UBA6: variants seen among roughly 807,000 people sequenced by gnomAD.
UBA6 encodes ubiquitin like modifier activating enzyme 6.
UBA6 carries 87 observed loss-of-function variants against 148.3 expected under a neutral mutation model. That is an observed-to-expected ratio of 0.59 (90% confidence interval 0.49 to 0.70). The LOEUF (loss-of-function observed/expected upper bound fraction) is 0.70. UBA6 is among the 30% of genes least tolerant of loss of function. UBA6 has a pLI of 0.00. For synonymous variants in UBA6, 376 were observed against 401.0 expected (o/e 0.94, Z 0.75); for missense variants, 1,186 against 1,241.2 (o/e 0.96, Z 0.67).
chr4:67,639,798 T>C (rs1481419889), intron 18 of UBA6, among the ~76,000 whole-genome samples: 1 of 152,064 alleles, frequency 6.6e-6, no homozygotes, highest in African/African-American at 2.4e-5. Context: ...AACAATACAA[T>C]CATAACAATA....
chr4:67,622,381 C>A lies in UBA6; in HGVS notation c.3023+450G>T, dbSNP rs1011953447. On this transcript the variant is annotated intron_variant, in intron 32 of 32. Transcript: ENST00000322244. ...AATTTCTCCATAATACTTACTATCA[C>A]CTAACATACTTGCCTTATTGTTATG... Among the ~76,000 whole-genome samples, 48 of 152,154 alleles carry A rather than the reference C, an allele frequency of 3.2e-4. 1 individual carries two copies. The highest frequency in any genetic ancestry group is 1.1e-3 in the African/African-American group (47 of 41,440).
Position 67,630,371 on chromosome 4 carries a change from A to G in UBA6, c.2328+95T>C, listed in dbSNP as rs539653424. On this transcript the variant is annotated intron_variant, in intron 26 of 32. Transcript: ENST00000322244. ...TTCTGTATCAAAAAGAGTGATTCTT[A>G]TAACAAACAAACATGTTTTGATGCA... 17 of 825,464 alleles carry G rather than the reference A, an allele frequency of 2.1e-5. No individual in the cohort carries two copies. The Admixed American group carries it at 4.2e-4, about 20-fold the overall frequency. The allele number at this position is 825,464 out of a possible 1,614,324, so 51.1% of individuals were successfully genotyped here.
Position 67,634,413 on chromosome 4 carries a change from A to G in UBA6, c.1932+16T>C, listed in dbSNP as rs1225759550. 1 of 1,566,784 alleles carries G rather than the reference A, an allele frequency of 6.4e-7. No homozygotes were observed. Among genetic ancestry groups the G allele is most frequent in the East Asian group, 2.3e-5 (1 of 44,314 alleles). ...TTCTCACTTCAAAGAAAATAAATTT[A>G]AAAAGGAACTTTTACCTTATCTCTT... On this transcript the variant is annotated intron_variant, in intron 21 of 32. Coordinates refer to ENST00000322244, the MANE Select transcript of UBA6 (RefSeq NM_018227.6).
intron 30 of UBA6, among the ~76,000 whole-genome samples, chr4:67,623,436 G>A (rs962434932): frequency 1.1e-4 from 16 of 152,090 alleles, no homozygotes; most frequent in African/African-American, 3.9e-4. Flanking sequence ...TCAGTACCTT[G>A]CTGATCCTTC....
rs2109887444 is a variant in UBA6, at chr4:67,615,403, C to T, written c.*3594G>A. On this transcript the variant is annotated 3_prime_UTR_variant, in exon 33 of 33. Transcript: ENST00000322244. Reference sequence around the variant, plus strand: ...CCTGCTGAACCATGAGCCAAATAAACCTTTTTTCTTTATGAATTACCGAGT... The same window carrying T: ...CCTGCTGAACCATGAGCCAAATAAATCTTTTTTCTTTATGAATTACCGAGT... 6.6e-6 allele frequency: 1 copy of T among 152,256 alleles called. No homozygotes were observed. The highest frequency in any genetic ancestry group is 2.1e-4 in the South Asian group (1 of 4,826). 9.4% of individuals were successfully genotyped at this position (152,256 alleles called of 1,614,324 possible).
chr4:67,624,990 T>G lies in UBA6; in HGVS notation c.2712+4A>C, dbSNP rs760594905. On this transcript the variant is annotated splice_donor_region_variant and intron_variant, in intron 29 of 32. Transcript: ENST00000322244. ...CATTTTTATTCAAGGAATAATAAAC[T>G]TACCAAGCCAGAAACTGTAGCAGTG... The G allele has an allele frequency of 2.1e-5, 34 of 1,584,338 alleles. No individual in the cohort carries two copies. Among genetic ancestry groups the G allele is most frequent in the Non-Finnish European group, 2.8e-5 (33 of 1,159,602 alleles).
At chr4:67,635,058 T>C (rs549534851) in intron 20 of UBA6, among the ~76,000 whole-genome samples, 1 of 150,334 alleles carries the variant, frequency 6.7e-6, no homozygotes, top group Non-Finnish European at 1.5e-5. Flanking sequence ...TATTATAGAG[T>C]ACATTTTGCC....
chr4:67,626,886 T>C (rs992433343), intron 27 of UBA6, among the ~76,000 whole-genome samples: 5 of 151,986 alleles, frequency 3.3e-5, no homozygotes, highest in African/African-American at 1.2e-4. Context: ...ATCAACACTT[T>C]GTGATTCTGA....
At chr4:67,639,164 CA>C in intron 18 of UBA6, 40 bp from the exon 19 acceptor site, 10 of 1,479,812 alleles carry the variant, frequency 6.8e-6, no homozygotes, top group South Asian at 2.5e-5. Context: ...TGTTAAACAA[CA>C]AAAAAAGGAC....
intron 13 of UBA6, among the ~76,000 whole-genome samples, chr4:67,656,496 C>T (rs1456781773): frequency 6.6e-6 from 1 of 152,188 alleles, no homozygotes; most frequent in Admixed American, 6.5e-5. Context: ...ATGCTAAAAA[C>T]TCTCAATGAA....
intron 13 of UBA6, among the ~76,000 whole-genome samples, chr4:67,658,886 T>A (rs1729770882): frequency 6.6e-6 from 1 of 151,888 alleles, no homozygotes; most frequent in South Asian, 2.1e-4. Context: ...CTGAGGGAAC[T>A]TTTTTGCATT....
Position 67,634,276 on chromosome 4 carries a change from C to T in UBA6, c.1979G>A (p.Trp660Ter). The T allele has an allele frequency of 3.1e-6, 5 of 1,594,428 alleles. No individual in the cohort carries two copies. Among genetic ancestry groups the T allele is most frequent in the Non-Finnish European group, 4.3e-6 (5 of 1,174,694 alleles). Reference protein sequence around the residue: ...SHKPSLFNKFWQTYSSAEEVL... With the variant: ...SHKPSLFNKF ...TTCTTCTGCAGATGAATAGGTTTGC[C>T]AAAATTTGTTAAACAATGAAGGTTT... is the stretch of plus-strand genomic sequence containing the variant. The change falls in exon 22 of 33, where the codon TGG becomes TAG. Residue 660 changes from tryptophan to a stop codon, truncating the protein, a stop_gained. Coordinates refer to ENST00000322244, the MANE Select transcript of UBA6 (RefSeq NM_018227.6). LOFTEE classifies it high-confidence loss of function.
At chr4:67,645,822 G>T in intron 16 of UBA6, 116 bp downstream of exon 16, 1 of 465,426 alleles carries the variant, frequency 2.1e-6, no homozygotes. Context: ...CAAGGTCTCA[G>T]TTATTACAAC....
chr4:67,645,862 C>A, intron 16 of UBA6, 76 bp downstream of exon 16: 1 of 868,572 alleles, frequency 1.2e-6, no homozygotes, highest in East Asian at 2.6e-5. Flanking sequence ...CACTTAGACT[C>A]AAATTTGTTT....
chr4:67,646,628 T>C, intron 15 of UBA6, 96 bp downstream of exon 15: 1 of 846,158 alleles, frequency 1.2e-6, no homozygotes, highest in Non-Finnish European at 1.9e-6. Flanking sequence ...ACAAAAGTGA[T>C]TTGGGAGAAA....
intron 10 of UBA6, among the ~76,000 whole-genome samples, chr4:67,664,267 A>G (rs1053899346): frequency 1.3e-5 from 2 of 152,052 alleles, no homozygotes; most frequent in Non-Finnish European, 2.9e-5. Flanking sequence ...CAGGTTGTCA[A>G]GACTTATTAA....
In UBA6 at chr4:67,613,330, G is replaced by A. The variant is rs1428870625; in HGVS notation, c.*5667C>T. On this transcript the variant is annotated 3_prime_UTR_variant, in exon 33 of 33. Transcript: ENST00000322244. Reference sequence around the variant, plus strand: ...ACCAGGCACACAAGGAGACAAGACAGTAAGAATGAAGACTAGAACAAACAA... The same window carrying A: ...ACCAGGCACACAAGGAGACAAGACAATAAGAATGAAGACTAGAACAAACAA... 1 of 152,172 alleles carries A rather than the reference G, an allele frequency of 6.6e-6. No homozygotes were observed. Among genetic ancestry groups the A allele is most frequent in the Non-Finnish European group, 1.5e-5 (1 of 68,024 alleles). 9.4% of individuals were successfully genotyped at this position (152,172 alleles called of 1,614,324 possible).
At chr4:67,626,685 C>G (rs191273331) in intron 27 of UBA6, among the ~76,000 whole-genome samples, 1 of 151,774 alleles carries the variant, frequency 6.6e-6, no homozygotes, top group Non-Finnish European at 1.5e-5. Context: ...TCTATCTTCT[C>G]GCACAGGCAT....
Position 67,646,799 on chromosome 4 carries a change from TAGA to T in UBA6, c.1249-11_1249-9del, listed in dbSNP as rs761526231. Reference sequence around the variant, plus strand: ...TGCTGCTTCAAGATATAACTTAAAGTAGAAGATTAAAAACACAATTATTATGTA... The same window carrying T: ...TGCTGCTTCAAGATATAACTTAAAGTAGATTAAAAACACAATTATTATGTA... On this transcript the variant is annotated splice_polypyrimidine_tract_variant and intron_variant, in intron 14 of 32. Transcript: ENST00000322244. 1.3e-6 allele frequency: 2 copies of T among 1,580,924 alleles called. No homozygotes were observed. The highest frequency in any genetic ancestry group is 1.8e-5 in the Admixed American group (1 of 55,862).
Sources: allele counts gnomAD v4.1 joint callset (sites outside exome capture counted in the v4.1 genomes callset), GRCh38; gene constraint gnomAD v4.1.1; transcripts MANE v1.5; gene names NCBI Gene and HGNC (gene_info 2026-07-23, HGNC 2026-07-21).